SORBS2: variants seen among roughly 807,000 people sequenced by gnomAD.
The protein encoded by SORBS2 is sorbin and SH3 domain-containing protein 2.
In SORBS2, 46 loss-of-function variants were observed where a neutral mutation model predicts 97.7. The ratio of observed to expected loss-of-function variants is 0.47; its 90% CI spans 0.37 to 0.60. SORBS2 has a LOEUF of 0.60. SORBS2 is among the 20% of genes least tolerant of loss of function. SORBS2 has a pLI of 0.00. For synonymous variants in SORBS2, 476 were observed against 473.4 expected (o/e 1.01, Z -0.07); for missense variants, 1,316 against 1,282.3 (o/e 1.03, Z -0.40).
chr4:185,648,787 A>G (rs2097259856), intron 3 of SORBS2, among the ~76,000 whole-genome samples: 1 of 152,178 alleles, frequency 6.6e-6, no homozygotes, highest in Admixed American at 6.5e-5. Flanking sequence ...TTAAAATAGA[A>G]AGTATCTCAC....
intron 4 of SORBS2, chr4:185,638,964 G>T (rs1463566073): frequency 2.0e-6 from 3 of 1,523,892 alleles, no homozygotes; most frequent in Non-Finnish European, 2.6e-6. Context: ...TGACTTCTCC[G>T]AGTCGGGAGC....
At chr4:185,677,329 A>G (rs2097801970) in intron 4 of SORBS2, 2 of 1,552,360 alleles carry the variant, frequency 1.3e-6, no homozygotes, top group Non-Finnish European at 1.7e-6. Flanking sequence ...TCTTGCCTGT[A>G]GTCCTCTTGT....
intron 1 of SORBS2, among the ~76,000 whole-genome samples, chr4:185,955,203 G>A (rs1476794975): frequency 6.6e-6 from 1 of 152,046 alleles, no homozygotes; most frequent in Non-Finnish European, 1.5e-5. Context: ...ATTCATTTCT[G>A]CTCCCCGAGA....
chr4:185,641,886 C>T (rs62336065), intron 4 of SORBS2, among the ~76,000 whole-genome samples: 12,918 of 152,040 alleles, frequency 0.085, 607 homozygotes, highest in Non-Finnish European at 0.1. Context: ...TTAAAAGCTA[C>T]CAAGGGTGAA....
chr4:185,628,672 A>T (rs62334756), intron 5 of SORBS2, among the ~76,000 whole-genome samples: 4 of 151,708 alleles, frequency 2.6e-5, no homozygotes, highest in African/African-American at 9.7e-5. Flanking sequence ...TAGCTTGAGC[A>T]CAGGAGTTTG....
intron 9 of SORBS2, 64 bp from the exon 22 acceptor site, chr4:185,615,223 C>T (rs2096609543): frequency 2.1e-6 from 2 of 950,958 alleles, no homozygotes; most frequent in African/African-American, 1.6e-5. Flanking sequence ...AGATCAACAC[C>T]CTCGCTAGAT....
At chr4:185,875,435 C>T (rs1013151996) in intron 1 of SORBS2, among the ~76,000 whole-genome samples, 13 of 152,146 alleles carry the variant, frequency 8.5e-5, no homozygotes, top group African/African-American at 2.9e-4. Context: ...AAACGTCTCC[C>T]GGAGGCAGGG....
At chr4:185,843,775 C>T (rs532546152) in intron 1 of SORBS2, among the ~76,000 whole-genome samples, 14 of 152,222 alleles carry the variant, frequency 9.2e-5, no homozygotes, top group Non-Finnish European at 1.8e-4. Context: ...TATCCATTCT[C>T]TCCAAATAGA....
chr4:185,683,030 G>A (rs28537076), intron 2 of SORBS2, among the ~76,000 whole-genome samples: 1,133 of 108,232 alleles, frequency 0.01, 20 homozygotes, highest in African/African-American at 0.038. Flanking sequence ...AAAAAAAAAA[G>A]AAAAGAAAAG....
intron 1 of SORBS2, among the ~76,000 whole-genome samples, chr4:185,851,879 A>G (rs2149686623): frequency 6.6e-6 from 1 of 152,254 alleles, no homozygotes; most frequent in East Asian, 1.9e-4. Context: ...CAGACAGCCT[A>G]TTGTGGGGCC....
intron 2 of SORBS2, among the ~76,000 whole-genome samples, chr4:185,706,026 G>A (rs2098337295): frequency 6.8e-6 from 1 of 148,002 alleles, no homozygotes. Context: ...TAATTGAGCT[G>A]ATATTTTGGC....
chr4:185,746,814 T>C (rs567465057), intron 2 of SORBS2, among the ~76,000 whole-genome samples: 1 of 152,384 alleles, frequency 6.6e-6, no homozygotes, highest in Admixed American at 6.5e-5. Flanking sequence ...TACCAGATTT[T>C]CCACCAAATT....
chr4:185,635,154 C>G (rs991406703), intron 4 of SORBS2, among the ~76,000 whole-genome samples: 1 of 152,142 alleles, frequency 6.6e-6, no homozygotes, highest in Non-Finnish European at 1.5e-5. Context: ...TGATTCTTCA[C>G]CCAGAGTCCA....
intron 1 of SORBS2, among the ~76,000 whole-genome samples, chr4:185,906,205 G>A (rs1336188158): frequency 2.6e-5 from 4 of 152,072 alleles, no homozygotes; most frequent in Admixed American, 1.3e-4. Flanking sequence ...GGGTAATTTC[G>A]TATTTTTAGT....
intron 4 of SORBS2, among the ~76,000 whole-genome samples, chr4:185,664,718 T>G (rs1178673187): frequency 6.6e-6 from 1 of 152,226 alleles, no homozygotes; most frequent in East Asian, 1.9e-4. Flanking sequence ...TTATGTAAAT[T>G]GTAGTGTCTT....
rs775471041 is a variant in SORBS2, at chr4:185,623,240, G to C, written c.1889C>G (p.Ser630Cys). The C allele has an allele frequency of 1.3e-5, 21 of 1,614,020 alleles. No homozygotes were observed. In the South Asian group the frequency reaches 2.3e-4, roughly 18 times the overall value. ...GGCAGAGTCCAGAGCCTCAAACACA[G>C]ATGCTTTACATTTTGCCTTTTCAGT... The change falls in exon 7 of 15, where the codon TCT becomes TGT. Residue 630 changes from serine (S) to cysteine (C), a missense_variant. Coordinates refer to ENST00000418609, the Ensembl canonical transcript of SORBS2. The surrounding 1 kb of genome is among the most constrained non-coding windows in gnomAD (Gnocchi z 6.4).
At chr4:185,620,730 T>A (rs927012016) in intron 7 of SORBS2, among the ~76,000 whole-genome samples, 1 of 152,196 alleles carries the variant, frequency 6.6e-6, no homozygotes, top group Admixed American at 6.5e-5. Flanking sequence ...ACTTATTGAA[T>A]CTCAAGATGC....
At chr4:185,868,147 C>CTTT (rs372271322) in intron 1 of SORBS2, among the ~76,000 whole-genome samples, 12 of 89,800 alleles carry the variant, frequency 1.3e-4, no homozygotes, top group East Asian at 6.4e-4. Flanking sequence ...CTTTTCTTTT[C>CTTT]TTTTTTTCTT....
chr4:185,919,376 C>T (rs1561300979), intron 1 of SORBS2: 2 of 152,124 alleles, frequency 1.3e-5, no homozygotes, highest in African/African-American at 4.8e-5. Context: ...AAACCAGGCT[C>T]CTCATCAAGA....
Sources: gnomAD v4.1 joint callset for allele counts (sites outside exome capture counted in the v4.1 genomes callset) on GRCh38, gnomAD v4.1.1 for gene constraint, Gnocchi (gnomAD v3.1) non-coding constraint, MANE v1.5 for transcripts, NCBI Gene and HGNC (gene_info 2026-07-23, HGNC 2026-07-21) for gene names.